The following AMHR2 variants were observed in gnomAD, a reference collection of about 807,000 sequenced individuals.
AMHR2 encodes anti-Mullerian hormone receptor type 2, also known as anti-Muellerian hormone type-2 receptor.
A neutral mutation model predicts 61.4 loss-of-function variants in AMHR2; 36 were observed. That is an observed-to-expected ratio of 0.59 (90% CI 0.45 to 0.77). The LOEUF (loss-of-function observed/expected upper bound fraction) is 0.77, where lower values mean the gene tolerates loss of function less well. AMHR2 is among the 30% of genes least tolerant of loss of function. The pLI is 0.00. For missense variants in AMHR2, 638 were observed against 714.6 expected (o/e 0.89, Z 1.22); for synonymous variants, 258 against 279.4 (o/e 0.92, Z 0.76).
rs200276375 is a variant in AMHR2 at position 53,425,431 on chromosome 12, C to T, written c.503-24C>T. 4.0e-4 allele frequency: 651 copies of T among 1,612,606 alleles called. 2 individuals are homozygous for T. Among genetic ancestry groups the T allele is most frequent in the Non-Finnish European group, 3.9e-5 (46 of 1,179,218 alleles). ...CTGTCCCTATGCATTTGCACCCTGA[C>T]CCTAAGGCTCTTGTCTGTTCCAGCC... On this transcript the variant is annotated intron_variant, in intron 4 of 10. Transcript: ENST00000257863.
At chr12:53,427,895 C>T (rs1426282371) in intron 6 of AMHR2, among the ~76,000 whole-genome samples, 1 of 152,158 alleles carries the variant, frequency 6.6e-6, no homozygotes, top group Non-Finnish European at 1.5e-5. Context: ...GTGTCTCTGT[C>T]CACGTGGAAG....
At position 53,431,347 on chromosome 12, in the gene AMHR2, CTG is replaced by C. The variant is rs767277081; in HGVS notation, c.1598_1599del (p.Cys533TyrfsTer12). The C allele has an allele frequency of 1.2e-6, 2 of 1,614,240 alleles. No homozygotes were observed. The highest frequency in any genetic ancestry group is 1.7e-6 in the Non-Finnish European group (2 of 1,180,042). Reference protein sequence around the residue: ...RGCPPLCPEDCTSIPAPTILP... With the variant: ...RGCPPLCPEDXTSIPAPTILP... ...GCTGCCCACCTCTCTGCCCAGAAGA[CTG>C]TACTTCAATTCCTGCCCCTACCATC... On this transcript the variant is annotated frameshift_variant, in exon 11 of 11. Transcript: ENST00000257863. LOFTEE classifies it low-confidence loss of function (END_TRUNC).
At position 53,424,708 on chromosome 12, in the gene AMHR2, G is replaced by A. The variant is rs1360862246; in HGVS notation, c.233-1G>A. On this transcript the variant is annotated splice_acceptor_variant, in intron 2 of 10. Coordinates refer to ENST00000257863, the MANE Select transcript of AMHR2 (RefSeq NM_020547.3). LOFTEE classifies it high-confidence loss of function. ...CTCTTCCCCTAATCCCATCCCATCA[G>A]GATGCCGAGACAGTGATGAGCCAGG... The A allele has an allele frequency of 2.5e-6, 4 of 1,613,522 alleles. No individual in the cohort carries two copies. The South Asian group carries it at 3.3e-5, about 13-fold the overall frequency.
intron 6 of AMHR2, among the ~76,000 whole-genome samples, chr12:53,428,586 C>G (rs533671537): frequency 1.3e-5 from 2 of 152,176 alleles, no homozygotes; most frequent in African/African-American, 4.8e-5. Flanking sequence ...TAAGGAAAAG[C>G]TCTTCATCTG....
At position 53,429,578 on chromosome 12, in the gene AMHR2, C is replaced by T; in HGVS notation, c.1093C>T (p.Pro365Ser). The part of the protein sequence containing the change: ...ALVLPGLTQP[P>S]AWTPTQPQGP... The stretch of plus-strand genomic sequence containing the variant: ...GGTGCTCCCTGGCCTCACTCAGCCC[C>T]CTGCCTGGACCCCTACTCAACCACA... Residue 365 changes from proline to serine, a missense_variant, in exon 8 of 11, where the codon CCT becomes TCT. By Grantham distance (74) the Pro-to-Ser change is moderately conservative. Transcript: ENST00000257863. The T allele has an allele frequency of 6.2e-7, 1 of 1,614,114 alleles. No homozygotes were observed.
rs752633373 is a variant in AMHR2, at chr12:53,431,283, C to T, written c.1532C>T (p.Pro511Leu). 2 of 1,614,232 alleles carry T rather than the reference C, an allele frequency of 1.2e-6. No homozygotes were observed. The highest frequency in any genetic ancestry group is 1.1e-5 in the South Asian group (1 of 91,082). The change falls in exon 11 of 11, where the codon CCT becomes CTT. Residue 511 changes from proline (P) to leucine (L), a missense_variant. By Grantham distance (98) the Pro-to-Leu change is moderately conservative. Transcript: ENST00000257863. ...CAGCGCCTGGCTGCCTTGGCCCATC[C>T]TCAAGAGAGCCACCCCTTTCCAGAG... ...VQQRLAALAHPQESHPFPESC... is the reference protein window; with the variant it reads ...VQQRLAALAHLQESHPFPESC...
Position 53,431,568 on chromosome 12 carries a change from C to T in AMHR2, c.*95C>T. On this transcript the variant is annotated 3_prime_UTR_variant, in exon 11 of 11. Transcript: ENST00000257863. The stretch of plus-strand genomic sequence containing the variant: ...CCTCATCACTGCATTTCCCACCTGC[C>T]GAATCCTTGGATTCTTCTGCGGGCA... The T allele has an allele frequency of 5.3e-6, 8 of 1,518,212 alleles. No individual in the cohort carries two copies. The highest frequency in any genetic ancestry group is 1.4e-5 in the African/African-American group (1 of 73,144). The allele number at this position is 1,518,212 out of a possible 1,614,324, so 94.0% of individuals were successfully genotyped here.
chr12:53,429,216 C>A (rs992474079), intron 7 of AMHR2, among the ~76,000 whole-genome samples: 1 of 152,038 alleles, frequency 6.6e-6, no homozygotes, highest in Non-Finnish European at 1.5e-5. Context: ...CATGGTGAAA[C>A]CCTGTCTCTA....
chr12:53,424,007 G>A, intron 1 of AMHR2, 24 bp downstream of exon 1: 11 of 1,613,352 alleles, frequency 6.8e-6, no homozygotes, highest in Non-Finnish European at 9.3e-6. Context: ...GGGAGGGGAA[G>A]GGTCTCTCCA....
chr12:53,429,582 C>T lies in AMHR2; in HGVS notation c.1097C>T (p.Ala366Val). 1 of 1,614,092 alleles carries T rather than the reference C, an allele frequency of 6.2e-7. No individual in the cohort carries two copies. The highest frequency in any genetic ancestry group is 8.5e-7 in the Non-Finnish European group (1 of 1,180,008). The change falls in exon 8 of 11, where the codon GCC becomes GTC. Residue 366 changes from alanine (A) to valine (V), a missense_variant. Transcript: ENST00000257863. The stretch of plus-strand genomic sequence containing the variant: ...CTCCCTGGCCTCACTCAGCCCCCTG[C>T]CTGGACCCCTACTCAACCACAAGGC... Reference protein sequence around the residue: ...LVLPGLTQPPAWTPTQPQGPA... With the variant: ...LVLPGLTQPPVWTPTQPQGPA...
rs1306686763 is a variant in AMHR2 at position 53,425,876 on chromosome 12, G to A, written c.809G>A (p.Arg270His). Residue 270 changes from arginine to histidine, a missense_variant, in exon 6 of 11, where the codon CGC (arginine) becomes CAC (histidine). Transcript: ENST00000257863. The part of the protein sequence containing the change: ...FITASRGGPG[R>H]LLSGPLLVLE... ...ACTGCCAGCCGGGGGGGTCCTGGCC[G>A]CCTGCTCTCTGGGCCCCTGCTGGTA... The A allele has an allele frequency of 9.3e-6, 15 of 1,613,958 alleles. No individual in the cohort carries two copies. Among genetic ancestry groups the A allele is most frequent in the East Asian group, 4.5e-5 (2 of 44,896 alleles).
rs534750443 is a variant in AMHR2, at chr12:53,424,836, C to T, written c.360C>T (p.Tyr120=). 2.5e-6 allele frequency: 4 copies of T among 1,614,032 alleles called. No homozygotes were observed. The highest frequency in any genetic ancestry group is 1.3e-5 in the African/African-American group (1 of 75,050). ...SCGTDFCNAN[Y]SHLPPPGSPG... ...GCACTGACTTCTGCAATGCCAATTA[C>T]AGCCATCTGCCTCCTCCAGGGAGCC... The change falls in exon 3 of 11, where the codon TAC becomes TAT. Residue 120 remains tyrosine, a synonymous_variant. Transcript: ENST00000257863.
intron 6 of AMHR2, among the ~76,000 whole-genome samples, chr12:53,428,483 T>C: frequency 6.6e-6 from 1 of 152,114 alleles, no homozygotes; most frequent in East Asian, 1.9e-4. Context: ...TATAAGGTGG[T>C]GGTTATTAGT....
intron 10 of AMHR2, chr12:53,430,554 G>A: frequency 3.7e-6 from 2 of 547,402 alleles, no homozygotes; most frequent in Non-Finnish European, 6.6e-6. Context: ...TCTGCCATCA[G>A]TTAGCCCTGT....
rs779833669 is a variant in AMHR2, at chr12:53,430,277, G to A, written c.1420G>A (p.Ala474Thr). ...PYIPSTWRCF[A>T]TDPDGLRELL... is the part of the protein sequence containing the mutation. ...CATCCCATCCACCTGGCGCTGCTTTGCCACAGTAAGAGGCCTAGGCTGTTG... is the reference window on the plus strand; with the variant it reads ...CATCCCATCCACCTGGCGCTGCTTTACCACAGTAAGAGGCCTAGGCTGTTG... The change falls in exon 10 of 11, where the codon GCC becomes ACC. Residue 474 changes from alanine to threonine, a missense_variant. Transcript: ENST00000257863. 6 of 1,614,206 alleles carry A rather than the reference G, an allele frequency of 3.7e-6. No individual in the cohort carries two copies. Among genetic ancestry groups the A allele is most frequent in the Non-Finnish European group, 5.1e-6 (6 of 1,180,030 alleles).
In AMHR2 at chr12:53,431,486, T is replaced by C. The variant is rs1217046976; in HGVS notation, c.*13T>C. On this transcript the variant is annotated 3_prime_UTR_variant, in exon 11 of 11. Transcript: ENST00000257863. ...TTCTCCTGTGTAAATATGCAGTTTA[T>C]GTGTCATCAATGTACATGCCAACAT... 4 of 1,614,088 alleles carry C rather than the reference T, an allele frequency of 2.5e-6. No individual in the cohort carries two copies. Among genetic ancestry groups the C allele is most frequent in the South Asian group, 1.1e-5 (1 of 91,092 alleles).
intron 3 of AMHR2, 118 bp downstream of exon 3, chr12:53,425,018 G>C: frequency 6.4e-7 from 1 of 1,567,366 alleles, no homozygotes; most frequent in Non-Finnish European, 8.7e-7. Context: ...TCCTGGCCTT[G>C]GGAAGTTGGT....
intron 6 of AMHR2, among the ~76,000 whole-genome samples, chr12:53,428,630 T>C (rs956781159): frequency 1.3e-5 from 2 of 152,090 alleles, no homozygotes; most frequent in East Asian, 1.9e-4. Flanking sequence ...ACCTACCTTC[T>C]AGGGTTTTCA....
Position 53,431,557 on chromosome 12 carries a change from T to G in AMHR2, c.*84T>G. 6.4e-7 allele frequency: 1 copy of G among 1,555,848 alleles called. No homozygotes were observed. The highest frequency in any genetic ancestry group is 8.8e-7 in the Non-Finnish European group (1 of 1,132,260). On this transcript the variant is annotated 3_prime_UTR_variant, in exon 11 of 11. Coordinates refer to ENST00000257863, the MANE Select transcript of AMHR2 (RefSeq NM_020547.3). ...TGTCTTGTCTGCCTCATCACTGCAT[T>G]TCCCACCTGCCGAATCCTTGGATTC...
Sources: allele counts gnomAD v4.1 joint callset (sites outside exome capture counted in the v4.1 genomes callset), GRCh38; gene constraint gnomAD v4.1.1; transcripts MANE v1.5; gene names NCBI Gene and HGNC (gene_info 2026-07-23, HGNC 2026-07-21).